NKAIN2: variants seen among roughly 807,000 people sequenced by gnomAD.
NKAIN2 encodes the protein sodium/potassium transporting ATPase interacting 2, also known as sodium/potassium-transporting ATPase subunit beta-1-interacting protein 2.
Under a neutral mutation model 32.6 loss-of-function variants are expected in NKAIN2, and 14 were observed. The ratio of observed to expected loss-of-function variants is 0.43; its 90% confidence interval spans 0.28 to 0.67. The LOEUF (loss-of-function observed/expected upper bound fraction) is 0.67. NKAIN2 is among the 30% of genes least tolerant of loss of function. The pLI, the probability that NKAIN2 is intolerant of heterozygous loss-of-function variation, is 0.17. For missense variants in NKAIN2, 198 were observed against 258.3 expected (o/e 0.77, Z 1.60); for synonymous variants, 80 against 87.2 (o/e 0.92, Z 0.46).
chr6:124,304,599 C>T (rs1446873595), intron 2 of NKAIN2, among the ~76,000 whole-genome samples: 1 of 152,150 alleles, frequency 6.6e-6, no homozygotes, highest in African/African-American at 2.4e-5. Flanking sequence ...ATCAACTACT[C>T]AGAGAGATCC....
At chr6:124,136,824 C>A in intron 1 of NKAIN2, among the ~76,000 whole-genome samples, 1 of 151,960 alleles carries the variant, frequency 6.6e-6, no homozygotes, top group Non-Finnish European at 1.5e-5. Flanking sequence ...TGATAAAACC[C>A]TCAGCAAAAT....
At chr6:124,394,965 G>A (rs1196561403) in intron 3 of NKAIN2, among the ~76,000 whole-genome samples, 1 of 151,936 alleles carries the variant, frequency 6.6e-6, no homozygotes, top group Non-Finnish European at 1.5e-5. Flanking sequence ...GGGAAAAAGA[G>A]TGATAATATG....
At chr6:124,235,917 A>G (rs1223633386) in intron 1 of NKAIN2, among the ~76,000 whole-genome samples, 1 of 150,966 alleles carries the variant, frequency 6.6e-6, no homozygotes, top group African/African-American at 2.4e-5. Context: ...TTTTTTTTCT[A>G]TTTAATTTTT....
At chr6:124,398,532 A>G (rs1773493601) in intron 3 of NKAIN2, among the ~76,000 whole-genome samples, 1 of 152,132 alleles carries the variant, frequency 6.6e-6, no homozygotes, top group South Asian at 2.1e-4. Flanking sequence ...GCAAGCTCAT[A>G]CTCACATCTA....
At chr6:124,794,311 C>T (rs1779903617) in intron 5 of NKAIN2, among the ~76,000 whole-genome samples, 1 of 152,166 alleles carries the variant, frequency 6.6e-6, no homozygotes, top group African/African-American at 2.4e-5. Flanking sequence ...GAAAAAAGCA[C>T]TTGATATTCT....
intron 4 of NKAIN2, among the ~76,000 whole-genome samples, chr6:124,671,989 T>C (rs905150880): frequency 1.3e-5 from 2 of 151,990 alleles, no homozygotes; most frequent in Admixed American, 6.6e-5. Flanking sequence ...TTTAATGTTT[T>C]TCCTGTCAAT....
At chr6:123,897,469 T>G (rs1483127044) in intron 1 of NKAIN2, among the ~76,000 whole-genome samples, 2 of 152,152 alleles carry the variant, frequency 1.3e-5, no homozygotes, top group East Asian at 1.9e-4. Context: ...TTTTCAGGGC[T>G]GCTATGACTC....
chr6:124,478,561 G>A (rs1562210424), intron 3 of NKAIN2, among the ~76,000 whole-genome samples: 1 of 152,188 alleles, frequency 6.6e-6, no homozygotes, highest in African/African-American at 2.4e-5. Context: ...GGACATTGCA[G>A]CCAAAAGAAA....
chr6:124,278,444 C>T (rs559093711), intron 1 of NKAIN2, among the ~76,000 whole-genome samples: 1 of 151,728 alleles, frequency 6.6e-6, no homozygotes, highest in East Asian at 1.9e-4. Context: ...ACAATTTGTC[C>T]TTAATAGCAC....
chr6:124,817,309 C>T (rs1484951795), intron 5 of NKAIN2, among the ~76,000 whole-genome samples: 1 of 151,654 alleles, frequency 6.6e-6, no homozygotes, highest in Non-Finnish European at 1.5e-5. Flanking sequence ...CAAGACAATT[C>T]TTCTTCTTCT....
intron 4 of NKAIN2, among the ~76,000 whole-genome samples, chr6:124,760,806 CTGAAATCT>C (rs1255451465): frequency 6.6e-6 from 1 of 152,164 alleles, no homozygotes; most frequent in African/African-American, 2.4e-5. Flanking sequence ...TCACTTCACC[CTGAAATCT>C]TGATCCTCCT....
intron 2 of NKAIN2, among the ~76,000 whole-genome samples, chr6:124,342,408 CAA>C (rs1179071490): frequency 4.7e-5 from 4 of 84,522 alleles, no homozygotes; most frequent in African/African-American, 4.3e-5. Context: ...GACTCCATCT[CAA>C]AAAAAAAAAA....
intron 3 of NKAIN2, among the ~76,000 whole-genome samples, chr6:124,474,618 C>G (rs532107504): frequency 6.6e-6 from 1 of 152,010 alleles, no homozygotes; most frequent in East Asian, 1.9e-4. Context: ...ATCACCATGA[C>G]TAGCACATAC....
intron 1 of NKAIN2, among the ~76,000 whole-genome samples, chr6:124,243,458 G>A (rs1163310770): frequency 6.6e-6 from 1 of 151,688 alleles, no homozygotes; most frequent in Non-Finnish European, 1.5e-5. Context: ...TCATGCCACG[G>A]TACTCCAGCC....
chr6:124,737,515 C>T (rs976627478), intron 4 of NKAIN2, among the ~76,000 whole-genome samples: 1 of 151,672 alleles, frequency 6.6e-6, no homozygotes, highest in Non-Finnish European at 1.5e-5. Context: ...TAAACTGGTA[C>T]CGGGAGTGCT....
chr6:124,505,906 G>T lies in NKAIN2; in HGVS notation c.273+150559G>T, dbSNP rs1451561386. ...ATTGTTTCCCGGGCCGGGGGCGGTG[G>T]CTCAAGCCTGTAATCCCAGCACTTT... On this transcript the variant is annotated intron_variant, in intron 3 of 6. Coordinates refer to ENST00000368417, the MANE Select transcript of NKAIN2 (RefSeq NM_001040214.3). Among the ~76,000 whole-genome samples the T allele has an allele frequency of 2.6e-5, 4 of 152,236 alleles. No individual in the cohort carries two copies. The East Asian group carries it at 5.8e-4, about 22-fold the overall frequency.
intron 3 of NKAIN2, among the ~76,000 whole-genome samples, chr6:124,511,244 A>T (rs1778699905): frequency 6.6e-6 from 1 of 152,200 alleles, no homozygotes; most frequent in South Asian, 2.1e-4. Flanking sequence ...AGAGATTATA[A>T]ATGCAGCTTT....
chr6:124,629,178 C>T (rs1298317063), intron 3 of NKAIN2, among the ~76,000 whole-genome samples: 1 of 152,050 alleles, frequency 6.6e-6, no homozygotes. Flanking sequence ...GAAATAAGTA[C>T]CTTTTCATTT....
At chr6:124,513,948 C>G (rs537253003) in intron 3 of NKAIN2, among the ~76,000 whole-genome samples, 2 of 151,974 alleles carry the variant, frequency 1.3e-5, no homozygotes, top group African/African-American at 4.8e-5. Context: ...ACTTTGAGGA[C>G]GAAAATCTTA....
Sources: gnomAD v4.1 joint callset for allele counts (sites outside exome capture counted in the v4.1 genomes callset) on GRCh38, gnomAD v4.1.1 for gene constraint, MANE v1.5 for transcripts, NCBI Gene and HGNC (gene_info 2026-07-23, HGNC 2026-07-21) for gene names.